The following MSTO1 variants were observed in gnomAD, a reference collection of about 807,000 sequenced individuals.
MSTO1 encodes the protein misato mitochondrial distribution and morphology regulator 1.
In MSTO1, 24 loss-of-function variants were observed where a neutral mutation model predicts 55.7. The observed-to-expected ratio is 0.43, with a 90% CI of 0.31 to 0.61. The LOEUF (loss-of-function observed/expected upper bound fraction) is 0.61, where lower values mean the gene tolerates loss of function less well. Ranked by LOEUF, MSTO1 falls within the 20% of genes least tolerant of loss-of-function variation. The pLI, the probability that MSTO1 is intolerant of heterozygous loss-of-function variation, is 0.09. For missense variants in MSTO1, 363 were observed against 625.7 expected (o/e 0.58, Z 4.48); for synonymous variants, 162 against 252.8 (o/e 0.64, Z 3.41).
At position 155,613,549 on chromosome 1, in the gene MSTO1, G is replaced by A. The variant is rs1188542118; in HGVS notation, c.1371G>A (p.Gln457=). ...EEILAQYLQQ[Q]QPGVMSSSHL... is the part of the protein sequence containing the mutation. ...TCTTGGCTCAGTATTTACAACAGCA[G>A]CAGCCTGGAGTCATGAGGTCAGTGT... The change falls in exon 12 of 14, where the codon CAG becomes CAA. Residue 457 remains glutamine, a synonymous_variant. Transcript: ENST00000245564. 4 of 1,612,346 alleles carry A rather than the reference G, an allele frequency of 2.5e-6. No individual in the cohort carries two copies.
rs1371836513 is a variant in MSTO1, at chr1:155,614,774, C to T, written c.*501C>T. 1 of 1,549,040 alleles carries T rather than the reference C, an allele frequency of 6.5e-7. No individual in the cohort carries two copies. The highest frequency in any genetic ancestry group is 1.7e-5 in the Admixed American group (1 of 57,782). Reference sequence around the variant, plus strand: ...AGGTCCCCATGGTCAGACAGCTGGTCTGCATTGCTGGTACTGGTTGCATCA... The same window carrying T: ...AGGTCCCCATGGTCAGACAGCTGGTTTGCATTGCTGGTACTGGTTGCATCA... On this transcript the variant is annotated 3_prime_UTR_variant, in exon 14 of 14. Coordinates refer to ENST00000245564, the MANE Select transcript of MSTO1 (RefSeq NM_018116.4).
At chr1:155,604,113 A>G in the MSTO1 span, among the ~76,000 whole-genome samples, 1 of 152,190 alleles carries the variant, frequency 6.6e-6, no homozygotes, top group Non-Finnish European at 1.5e-5. Flanking sequence ...CTTGTTCTAC[A>G]AAGTAGAAAA....
the MSTO1 span, among the ~76,000 whole-genome samples, chr1:155,564,656 A>C: frequency 1.3e-5 from 2 of 152,332 alleles, no homozygotes; most frequent in Non-Finnish European, 2.9e-5. Flanking sequence ...ATATTTTCCT[A>C]ACCAAGTCCC....
the MSTO1 span, among the ~76,000 whole-genome samples, chr1:155,595,036 G>A: frequency 6.6e-6 from 1 of 151,744 alleles, no homozygotes; most frequent in Admixed American, 6.6e-5. Context: ...TACTTGGGAG[G>A]CTGAGGCATG....
the MSTO1 span, among the ~76,000 whole-genome samples, chr1:155,601,816 G>A: frequency 6.6e-6 from 1 of 151,860 alleles, no homozygotes; most frequent in Non-Finnish European, 1.5e-5. Context: ...GTGCAGTGGC[G>A]CAATCTCGGT....
the MSTO1 span, among the ~76,000 whole-genome samples, chr1:155,599,108 G>A: frequency 6.6e-6 from 1 of 152,096 alleles, no homozygotes; most frequent in East Asian, 1.9e-4. Flanking sequence ...TTAAGCCCAG[G>A]AGGAGGCTGC....
chr1:155,567,218 G>C, the MSTO1 span, among the ~76,000 whole-genome samples: 4 of 151,436 alleles, frequency 2.6e-5, no homozygotes, highest in Admixed American at 6.6e-5. Flanking sequence ...CTGCCTCCCG[G>C]GTTCAAGTGA....
the MSTO1 span, among the ~76,000 whole-genome samples, chr1:155,575,512 G>A: frequency 6.6e-6 from 1 of 151,642 alleles, no homozygotes; most frequent in Non-Finnish European, 1.5e-5. Flanking sequence ...GTGCAATCAC[G>A]GCTCACTGCA....
At chr1:155,594,821 A>C in the MSTO1 span, among the ~76,000 whole-genome samples, 1 of 152,110 alleles carries the variant, frequency 6.6e-6, no homozygotes, top group Admixed American at 6.6e-5. Context: ...AAGATGAAAC[A>C]TCAAAGATTT....
chr1:155,605,641 G>C (rs1321600842), upstream of MSTO1, among the ~76,000 whole-genome samples: 1 of 152,054 alleles, frequency 6.6e-6, no homozygotes, highest in African/African-American at 2.4e-5. Flanking sequence ...CTACAAAAAA[G>C]GTTTAAAATC....
chr1:155,608,368 C>A (rs188057371), upstream of MSTO1, among the ~76,000 whole-genome samples: 50 of 152,252 alleles, frequency 3.3e-4, 1 homozygote, highest in Admixed American at 1.8e-3. Flanking sequence ...GGGGGAGTCT[C>A]ACTACATTGT....
the MSTO1 span, among the ~76,000 whole-genome samples, chr1:155,589,173 C>T: frequency 6.6e-6 from 1 of 151,998 alleles, no homozygotes; most frequent in African/African-American, 2.4e-5. Flanking sequence ...TGGCACACAC[C>T]TGTAATCCCA....
chr1:155,609,557 T>C (rs1490726781), upstream of MSTO1, among the ~76,000 whole-genome samples: 4 of 152,276 alleles, frequency 2.6e-5, no homozygotes, highest in Admixed American at 2.0e-4. Flanking sequence ...CTATTCTTTC[T>C]TTAGAATAGA....
At chr1:155,600,838 G>A in the MSTO1 span, among the ~76,000 whole-genome samples, 534 of 151,932 alleles carry the variant, frequency 3.5e-3, 2 homozygotes, top group Non-Finnish European at 5.7e-3. Context: ...CACCACGCCC[G>A]GCTAATTTTT....
At chr1:155,589,068 C>T in the MSTO1 span, among the ~76,000 whole-genome samples, 1 of 152,096 alleles carries the variant, frequency 6.6e-6, no homozygotes, top group African/African-American at 2.4e-5. Flanking sequence ...GAGGCCAAGG[C>T]GGACAGATCA....
At chr1:155,566,401 G>A in the MSTO1 span, 362 of 152,308 alleles carry the variant, frequency 2.4e-3, 2 homozygotes, top group Non-Finnish European at 3.4e-3. Flanking sequence ...GGGCGACTGA[G>A]GCAGGAGGAT....
the MSTO1 span, among the ~76,000 whole-genome samples, chr1:155,578,420 C>T: frequency 7.6e-6 from 1 of 132,026 alleles, no homozygotes; most frequent in African/African-American, 2.7e-5. Context: ...CTCACTGCAA[C>T]CTCCGCCTCC....
the MSTO1 span, chr1:155,602,036 G>T: frequency 1.8e-6 from 1 of 553,110 alleles, no homozygotes; most frequent in South Asian, 1.5e-5. Context: ...TTACAGGTAT[G>T]AGCCGCCGCG....
the MSTO1 span, among the ~76,000 whole-genome samples, chr1:155,595,119 C>G: frequency 7.3e-6 from 1 of 137,720 alleles, no homozygotes; most frequent in Non-Finnish European, 1.5e-5. Context: ...GCCTGGGCGA[C>G]AGAGCGAGAT....
Sources: allele counts gnomAD v4.1 joint callset (sites outside exome capture counted in the v4.1 genomes callset), GRCh38; gene constraint gnomAD v4.1.1; transcripts MANE v1.5; gene names NCBI Gene and HGNC (gene_info 2026-07-23, HGNC 2026-07-21).